The following CXADR variants were observed in gnomAD, a reference collection of about 807,000 sequenced individuals.
CXADR encodes coxsackievirus and adenovirus receptor.
A neutral mutation model predicts 40.3 loss-of-function variants in CXADR; 20 were observed. That is an observed-to-expected ratio of 0.50 (90% CI 0.35 to 0.72). The LOEUF (loss-of-function observed/expected upper bound fraction) is 0.72, where lower values mean the gene tolerates loss of function less well. Among genes scored for constraint, CXADR ranks in the 30% least tolerant of loss-of-function variants. The pLI, the probability that CXADR is intolerant of heterozygous loss-of-function variation, is 0.01. For synonymous variants in CXADR, 150 were observed against 161.3 expected, an observed-to-expected ratio of 0.93 and a Z score of 0.53; for missense variants, 332 against 449.1, an observed-to-expected ratio of 0.74 and a Z score of 2.36.
chr21:17,535,632 C>A (rs996532742), intron 1 of CXADR, among the ~76,000 whole-genome samples: 2 of 152,016 alleles, frequency 1.3e-5, no homozygotes, highest in East Asian at 3.9e-4. Flanking sequence ...TAAATAAGTT[C>A]TTCATAACAT....
In CXADR at chr21:17,570,051, C is replaced by T. The variant is rs2061264420; in HGVS notation, c.*4359C>T. 1.0e-6 allele frequency: 1 copy of T among 985,248 alleles called. No homozygotes were observed. Among genetic ancestry groups the T allele is most frequent in the Admixed American group, 6.2e-5 (1 of 16,248 alleles). 61.0% of individuals were successfully genotyped at this position (985,248 alleles called of 1,614,324 possible). On this transcript the variant is annotated 3_prime_UTR_variant, in exon 7 of 7. Coordinates refer to ENST00000284878, the MANE Select transcript of CXADR (RefSeq NM_001338.5). ...AAAATTTGTTAAGAAAAACAACTTG[C>T]TCTAGTTTTGTGACCTTGTGTACTT...
the CXADR span, among the ~76,000 whole-genome samples, chr21:17,625,199 G>A: frequency 1.3e-5 from 2 of 150,898 alleles, no homozygotes; most frequent in East Asian, 1.9e-4. Context: ...ATGAGTCCAC[G>A]AAGTGTGAAT....
chr21:17,586,831 G>T (rs1357160176), intron 7 of CXADR, among the ~76,000 whole-genome samples: 1 of 152,042 alleles, frequency 6.6e-6, no homozygotes, highest in Non-Finnish European at 1.5e-5. Flanking sequence ...TTGGTGTGCT[G>T]CACTCATTAA....
At chr21:17,521,347 G>A (rs528289159) in intron 1 of CXADR, among the ~76,000 whole-genome samples, 1 of 152,182 alleles carries the variant, frequency 6.6e-6, no homozygotes, top group African/African-American at 2.4e-5. Context: ...TTTTGAGACG[G>A]AGTCTTGTTC....
chr21:17,513,973 C>A (rs984600390), intron 1 of CXADR, among the ~76,000 whole-genome samples: 1 of 152,040 alleles, frequency 6.6e-6, no homozygotes, highest in Non-Finnish European at 1.5e-5. Context: ...GTGCGTTTGT[C>A]GACTGCTCCT....
chr21:17,519,737 G>A (rs1185210087), intron 1 of CXADR, among the ~76,000 whole-genome samples: 1 of 152,134 alleles, frequency 6.6e-6, no homozygotes, highest in Non-Finnish European at 1.5e-5. Flanking sequence ...AGTATTGGTA[G>A]TGAATTAAAA....
chr21:17,528,067 T>C (rs1297942956), intron 1 of CXADR, among the ~76,000 whole-genome samples: 1 of 124,150 alleles, frequency 8.1e-6, no homozygotes, highest in African/African-American at 3.0e-5. Context: ...CTTAGTTCTT[T>C]CTTTTTTTTT....
At chr21:17,627,468 G>A in the CXADR span, among the ~76,000 whole-genome samples, 2 of 152,084 alleles carry the variant, frequency 1.3e-5, no homozygotes, top group African/African-American at 2.4e-5. Flanking sequence ...AGACAGGCTG[G>A]AAAAGGCAAG....
At chr21:17,540,776 G>A (rs1002588028) in intron 1 of CXADR, among the ~76,000 whole-genome samples, 6 of 152,184 alleles carry the variant, frequency 3.9e-5, no homozygotes, top group South Asian at 2.1e-4. Context: ...CTTCTACTGC[G>A]TTGACAGTAG....
chr21:17,531,046 T>C (rs1186839800), intron 1 of CXADR, among the ~76,000 whole-genome samples: 1 of 152,142 alleles, frequency 6.6e-6, no homozygotes, highest in Non-Finnish European at 1.5e-5. Context: ...ACGCCTGTAA[T>C]CCCAGCACTT....
At chr21:17,514,352 T>C (rs2060431373) in intron 1 of CXADR, among the ~76,000 whole-genome samples, 1 of 152,132 alleles carries the variant, frequency 6.6e-6, no homozygotes. Context: ...TTAGCAAGTC[T>C]AATCTTCGAT....
At chr21:17,518,640 C>G in intron 1 of CXADR, 7 of 1,601,430 alleles carry the variant, frequency 4.4e-6, no homozygotes, top group Non-Finnish European at 5.1e-6. Flanking sequence ...GCCGTGGGAA[C>G]TGTTCAGCTA....
intron 7 of CXADR, among the ~76,000 whole-genome samples, chr21:17,588,470 G>C (rs907863552): frequency 5.9e-4 from 89 of 152,086 alleles, no homozygotes; most frequent in Admixed American, 4.4e-3. Flanking sequence ...GGTTGGATTC[G>C]TAGGTATTTT....
chr21:17,625,141 A>C, the CXADR span, among the ~76,000 whole-genome samples: 1 of 152,116 alleles, frequency 6.6e-6, no homozygotes, highest in African/African-American at 2.4e-5. Context: ...TTGAATCACC[A>C]AAAAAGCCCC....
At chr21:17,624,420 C>T in the CXADR span, among the ~76,000 whole-genome samples, 1 of 152,190 alleles carries the variant, frequency 6.6e-6, no homozygotes, top group African/African-American at 2.4e-5. Flanking sequence ...TGTTTCGTCA[C>T]TGGTGTCAGC....
the CXADR span, among the ~76,000 whole-genome samples, chr21:17,634,085 C>T: frequency 1.3e-5 from 2 of 152,280 alleles, no homozygotes; most frequent in African/African-American, 4.8e-5. Context: ...CTCAGAATAG[C>T]CTCACATACA....
intron 7 of CXADR, among the ~76,000 whole-genome samples, chr21:17,579,893 AAAC>A (rs1276543967): frequency 6.6e-6 from 1 of 152,052 alleles, no homozygotes; most frequent in Non-Finnish European, 1.5e-5. Flanking sequence ...TTAAAAAAAA[AAAC>A]AACCTTTCCT....
Position 17,567,091 on chromosome 21 carries a change from A to G in CXADR, c.*1399A>G. 1 of 982,196 alleles carries G rather than the reference A, an allele frequency of 1.0e-6. No individual in the cohort carries two copies. The highest frequency in any genetic ancestry group is 1.2e-6 in the Non-Finnish European group (1 of 826,990). 60.8% of individuals were successfully genotyped at this position (982,196 alleles called of 1,614,324 possible). A position where few individuals can be genotyped will look rare whatever the true frequency, so the allele number is the denominator to read the frequency against. Reference sequence around the variant, plus strand: ...CTTAAGATTGTGAGGGAGTGTGGATACAGTAGAATGAGCCAACAGTTTCTT... The same window carrying G: ...CTTAAGATTGTGAGGGAGTGTGGATGCAGTAGAATGAGCCAACAGTTTCTT... On this transcript the variant is annotated 3_prime_UTR_variant, in exon 7 of 7. Coordinates refer to ENST00000284878, the MANE Select transcript of CXADR (RefSeq NM_001338.5).
chr21:17,519,123 C>T (rs2060497404), intron 1 of CXADR: 2 of 716,912 alleles, frequency 2.8e-6, no homozygotes, highest in South Asian at 3.4e-5. Context: ...GGAAAAATGC[C>T]TCCCCTCCAA....
Sources: gnomAD v4.1 joint callset for allele counts (sites outside exome capture counted in the v4.1 genomes callset) on GRCh38, gnomAD v4.1.1 for gene constraint, MANE v1.5 for transcripts, NCBI Gene and HGNC (gene_info 2026-07-23, HGNC 2026-07-21) for gene names.